Variants in TFAP2A observed in about 807,000 individuals in gnomAD.
TFAP2A encodes the protein transcription factor AP-2-alpha.
Under a neutral mutation model 41.5 loss-of-function variants are expected in TFAP2A, and 7 were observed. That is an observed-to-expected ratio of 0.17 (90% confidence interval 0.10 to 0.32). The LOEUF is 0.32. Among genes scored for constraint, TFAP2A ranks in the 10% least tolerant of loss-of-function variants. The pLI is 1.00. For synonymous variants in TFAP2A, 247 were observed against 242.8 expected, an observed-to-expected ratio of 1.02 and a Z score of -0.16; for missense variants, 416 against 563.3, an observed-to-expected ratio of 0.74 and a Z score of 2.65.
rs202002859 is a variant in TFAP2A at position 10,404,649 on chromosome 6, T to C, written c.629A>G (p.Asn210Ser). ...ACCCGGAACTGAACAGAAGACTTCG[T>C]TGGGGTTCACCACGCCGCCGAAGAG... ...DNLFGGVVNP[N>S]EVFCSVPGRL... is the part of the protein sequence containing the mutation. Residue 210 changes from asparagine to serine, a missense_variant, in exon 4 of 7, where the codon AAC becomes AGC. Physicochemically the swap from Asn to Ser is conservative, Grantham distance 46. Transcript: ENST00000379613. 14 of 1,614,166 alleles carry C rather than the reference T, an allele frequency of 8.7e-6. No homozygotes were observed. Among genetic ancestry groups the C allele is most frequent in the Admixed American group, 6.7e-5 (4 of 60,026 alleles).
rs1757891946 is a variant in TFAP2A at position 10,410,103 on chromosome 6, T to G, written c.284A>C (p.His95Pro). The change falls in exon 2 of 7, where the codon CAC becomes CCC. Residue 95 changes from histidine (H) to proline (P), a missense_variant. This residue lies in a region of TFAP2A where 241 missense variants were observed against 274.1 expected (regional missense o/e 0.88). Coordinates refer to ENST00000379613, the MANE Select transcript of TFAP2A (RefSeq NM_001372066.1). ...CTGCCTCTGGCCGGGCCAGCCTGGG[T>G]GCTGCGGCTGCGGCTGGGCGTGCAG... Reference protein sequence around the residue: ...NPLHAQPQPQHPGWPGQRQSQ... With the variant: ...NPLHAQPQPQPPGWPGQRQSQ... 4 of 1,612,144 alleles carry G rather than the reference T, an allele frequency of 2.5e-6. No individual in the cohort carries two copies. Among genetic ancestry groups the G allele is most frequent in the Admixed American group, 1.7e-5 (1 of 59,936 alleles).
At chr6:10,408,515 A>G (rs761066849) in intron 2 of TFAP2A, among the ~76,000 whole-genome samples, 1 of 152,250 alleles carries the variant, frequency 6.6e-6, no homozygotes, top group Non-Finnish European at 1.5e-5. Flanking sequence ...AACTAAAATA[A>G]TCATAACTCC....
chr6:10,416,699 T>A (rs1010218930), upstream of TFAP2A, among the ~76,000 whole-genome samples: 1 of 152,174 alleles, frequency 6.6e-6, no homozygotes, highest in African/African-American at 2.4e-5. Flanking sequence ...TGTGGCAGAT[T>A]GGAGCATTCC....
chr6:10,415,024 C>A lies in TFAP2A; in HGVS notation c.-33G>T. 6.2e-7 allele frequency: 1 copy of A among 1,614,074 alleles called. No individual in the cohort carries two copies. The highest frequency in any genetic ancestry group is 8.5e-7 in the Non-Finnish European group (1 of 1,180,018). On this transcript the variant is annotated 5_prime_UTR_variant, in exon 1 of 7. Coordinates refer to ENST00000379613, the MANE Select transcript of TFAP2A (RefSeq NM_001372066.1). ...CGTGAACGGATATGCCCCTCTCGGT[C>A]TCGCACCCAAGTGGAGCTACTCTCT...
At chr6:10,411,964 C>G in intron 1 of TFAP2A, 1 of 1,091,434 alleles carries the variant, frequency 9.2e-7, no homozygotes, top group Non-Finnish European at 1.1e-6. Context: ...CTTTTCTTAG[C>G]GGCGGCTTCG....
chr6:10,404,425 T>C (rs1014222357), intron 4 of TFAP2A, 83 bp downstream of exon 4: 5 of 1,051,862 alleles, frequency 4.8e-6, no homozygotes, highest in South Asian at 5.9e-5. Context: ...GAGGCCTGTT[T>C]GCGTCGCCGC....
chr6:10,411,443 G>A, intron 1 of TFAP2A: 4 of 1,521,596 alleles, frequency 2.6e-6, no homozygotes, highest in Non-Finnish European at 3.6e-6. Context: ...GGTGGGGGAT[G>A]CAAATGGAGA....
chr6:10,408,489 G>A (rs1242604046), intron 2 of TFAP2A, among the ~76,000 whole-genome samples: 3 of 152,222 alleles, frequency 2.0e-5, no homozygotes, highest in African/African-American at 7.2e-5. Flanking sequence ...AAGATTCAGA[G>A]TGCTTTGGGA....
chr6:10,414,478 A>AATGAATGG lies in TFAP2A; in HGVS notation c.51+462_51+463insCCATTCAT, dbSNP rs1348111028. 131 of 279,538 alleles carry AATGAATGG rather than the reference A, an allele frequency of 4.7e-4. 2 individuals are homozygous for AATGAATGG. In the Middle Eastern group the frequency reaches 8.2e-3, roughly 18 times the overall value. 17.3% of individuals were successfully genotyped at this position (279,538 alleles called of 1,614,324 possible). ...GGGGGGAAGAAAGAATGAATGAATG[A>AATGAATGG]ATGAATGAATGAATAGAAAGAAGAA... On this transcript the variant is annotated intron_variant, in intron 1 of 6. Coordinates refer to ENST00000379613, the MANE Select transcript of TFAP2A (RefSeq NM_001372066.1).
intron 4 of TFAP2A, among the ~76,000 whole-genome samples, chr6:10,403,643 C>T (rs1266110685): frequency 6.6e-6 from 1 of 152,110 alleles, no homozygotes; most frequent in Non-Finnish European, 1.5e-5. Flanking sequence ...TCAACACAAG[C>T]CCCACAACTC....
intron 1 of TFAP2A, chr6:10,412,305 G>GA (rs1758009593): frequency 1.0e-6 from 1 of 986,034 alleles, no homozygotes; most frequent in African/African-American, 1.8e-5. Context: ...ATGCAAAAGT[G>GA]AAAGAGAAAG....
chr6:10,404,127 G>A (rs1028267858), intron 4 of TFAP2A, among the ~76,000 whole-genome samples: 8 of 152,240 alleles, frequency 5.3e-5, no homozygotes, highest in Non-Finnish European at 1.0e-4. Flanking sequence ...CTTGCAAGGT[G>A]TGCGCGAAGA....
upstream of TFAP2A, chr6:10,417,104 G>T (rs1758273048): frequency 6.6e-6 from 1 of 152,554 alleles, no homozygotes; most frequent in African/African-American, 2.4e-5. Context: ...AGCGGCCATA[G>T]CCTGAGCAGG....
chr6:10,400,836 C>A, intron 5 of TFAP2A: 1 of 665,232 alleles, frequency 1.5e-6, no homozygotes, highest in Non-Finnish European at 2.8e-6. Context: ...CATCCACCAA[C>A]CTCCAGTCCC....
intron 1 of TFAP2A, among the ~76,000 whole-genome samples, chr6:10,411,348 C>T (rs578095046): frequency 6.6e-6 from 1 of 151,936 alleles, no homozygotes; most frequent in South Asian, 2.1e-4. Context: ...GGTCTGCGTG[C>T]TCGGAGAGGT....
rs1261168096 is a variant in TFAP2A, at chr6:10,398,371, G to A, written c.*46C>T. On this transcript the variant is annotated 3_prime_UTR_variant, in exon 7 of 7. Transcript: ENST00000379613. The surrounding 1 kb of genome is among the most constrained non-coding windows in gnomAD (Gnocchi z 5.3). ...CTGTCACCCGCCGGAGGGTGGGCGC[G>A]CGGGGGGCTGGTGAGGCGTGGGAGG... 17 of 1,609,760 alleles carry A rather than the reference G, an allele frequency of 1.1e-5. No individual in the cohort carries two copies. Among genetic ancestry groups the A allele is most frequent in the Non-Finnish European group, 1.4e-5 (16 of 1,178,816 alleles).
chr6:10,411,843 C>G (rs1319310143), intron 1 of TFAP2A: 1 of 1,402,120 alleles, frequency 7.1e-7, no homozygotes, highest in African/African-American at 1.5e-5. Context: ...CCTGCCGCGA[C>G]TGGTTATGAT....
In TFAP2A at chr6:10,398,664, C is replaced by T; in HGVS notation, c.1073G>A (p.Arg358Gln). The change falls in exon 7 of 7, where the codon CGA becomes CAA. Residue 358 changes from arginine (R) to glutamine (Q), a missense_variant. Physicochemically the swap from Arg to Gln is conservative, Grantham distance 43. This residue lies in a region of TFAP2A where 116 missense variants were observed against 153.8 expected (regional missense o/e 0.75). Transcript: ENST00000379613. The surrounding 1 kb of genome is among the most constrained non-coding windows in gnomAD (Gnocchi z 5.3). ...GGGCCGTGAGTTCCCCAGGGGAGAT[C>T]GGTCCTGAGCCAGCAGGTCGGTGAA... ...KEFTDLLAQD[R>Q]SPLGNSRPNP... 1 of 1,614,080 alleles carries T rather than the reference C, an allele frequency of 6.2e-7. No homozygotes were observed.
chr6:10,410,409 C>CT (rs1330718093), intron 1 of TFAP2A, 74 bp from the exon 2 acceptor site: 1 of 1,450,570 alleles, frequency 6.9e-7, no homozygotes, highest in African/African-American at 1.4e-5. Flanking sequence ...ACAAAATCCA[C>CT]TTGACAAGTC....
Sources: gnomAD v4.1 joint callset for allele counts (sites outside exome capture counted in the v4.1 genomes callset) on GRCh38, gnomAD v4.1.1 for gene constraint, gnomAD v4.1.1 regional missense constraint, Gnocchi (gnomAD v3.1) non-coding constraint, MANE v1.5 for transcripts, NCBI Gene and HGNC (gene_info 2026-07-23, HGNC 2026-07-21) for gene names.